MTM1: variants seen among roughly 807,000 people sequenced by gnomAD.
The protein encoded by MTM1 is myotubularin.
MTM1 carries 9 observed loss-of-function variants against 52.1 expected under a neutral mutation model. That is an observed-to-expected ratio of 0.17 (90% CI 0.10 to 0.30). MTM1 has a LOEUF of 0.30. MTM1 is among the 10% of genes least tolerant of loss of function. MTM1 has a pLI of 1.00. For missense variants in MTM1, 277 were observed against 470.7 expected, an observed-to-expected ratio of 0.59 and a Z score of 3.81; for synonymous variants, 136 against 163.8, an observed-to-expected ratio of 0.83 and a Z score of 1.29.
At chrX:150,587,060 A>G (rs1261968501) in intron 1 of MTM1, among the ~76,000 whole-genome samples, 1 of 110,633 alleles carries the variant, frequency 9.0e-6, no homozygotes, top group Non-Finnish European at 1.9e-5. Flanking sequence ...CATTTTACAG[A>G]CTGGAAACTG....
At chrX:150,635,095 G>A (rs997723112) in intron 6 of MTM1, among the ~76,000 whole-genome samples, 13 of 111,733 alleles carry the variant, frequency 1.2e-4, no homozygotes, top group Non-Finnish European at 2.4e-4. Context: ...AGGCAGAGCC[G>A]TAGATAAGGA....
intron 1 of MTM1, among the ~76,000 whole-genome samples, chrX:150,586,566 A>G (rs2038789988): frequency 9.0e-6 from 1 of 110,929 alleles, no homozygotes; most frequent in African/African-American, 3.3e-5. Context: ...GATATGGTAT[A>G]TTTTGTGGAC....
At chrX:150,609,032 G>T (rs1389068433) in intron 4 of MTM1, among the ~76,000 whole-genome samples, 1 of 110,613 alleles carries the variant, frequency 9.0e-6, no homozygotes, top group African/African-American at 3.3e-5. Context: ...GTTTCACCAT[G>T]TTGGCCAGGC....
intron 14 of MTM1, among the ~76,000 whole-genome samples, chrX:150,664,764 T>C (rs1243505422): frequency 8.9e-6 from 1 of 112,526 alleles, no homozygotes; most frequent in Non-Finnish European, 1.9e-5. Flanking sequence ...TATTAAAAAA[T>C]GTTTTTATAG....
chrX:150,567,009 G>A (rs923283289), upstream of MTM1, among the ~76,000 whole-genome samples: 1 of 111,523 alleles, frequency 9.0e-6, no homozygotes, highest in African/African-American at 3.3e-5. Context: ...GTAAGCAAAT[G>A]ATGACATCAG....
At chrX:150,615,770 G>GT (rs1216653539) in intron 5 of MTM1, among the ~76,000 whole-genome samples, 2 of 111,958 alleles carry the variant, frequency 1.8e-5, no homozygotes, top group East Asian at 2.8e-4. Flanking sequence ...ATCAAGACTC[G>GT]TTTTTTCTAT....
At chrX:150,629,512 A>G (rs900014432) in intron 6 of MTM1, among the ~76,000 whole-genome samples, 6 of 111,451 alleles carry the variant, frequency 5.4e-5, no homozygotes, top group African/African-American at 2.0e-4. Context: ...CCTTAAAAAC[A>G]GAGGCTGTGT....
At chrX:150,596,446 A>G (rs2038976322) in intron 2 of MTM1, 52 bp from the exon 3 acceptor site, 1 of 978,276 alleles carries the variant, frequency 1.0e-6, no homozygotes, top group African/African-American at 1.9e-5. Context: ...TTGCTTAAAA[A>G]CAGTGTGTAA....
intron 1 of MTM1, among the ~76,000 whole-genome samples, chrX:150,583,779 TA>T (rs2038706964): frequency 2.0e-5 from 1 of 49,326 alleles, no homozygotes; most frequent in Non-Finnish European, 3.4e-5. Context: ...ATATTTAATA[TA>T]TAAAATATAT....
At chrX:150,583,404 ATATAT>A (rs1303951664) in intron 1 of MTM1, among the ~76,000 whole-genome samples, 8 of 40,473 alleles carry the variant, frequency 2.0e-4, no homozygotes, top group Non-Finnish European at 3.0e-4. Flanking sequence ...TATAAATTAT[ATATAT>A]TATATTATAT....
At chrX:150,617,524 A>G (rs927692007) in intron 5 of MTM1, among the ~76,000 whole-genome samples, 3 of 112,576 alleles carry the variant, frequency 2.7e-5, no homozygotes. Context: ...TGCTTTTTAA[A>G]AAAGCATGGA....
intron 12 of MTM1, 144 bp from the exon 13 acceptor site, chrX:150,660,227 A>G: frequency 4.2e-6 from 2 of 473,371 alleles, no homozygotes; most frequent in South Asian, 3.0e-5. Context: ...GAACAACTGT[A>G]GTGTGTGTGC....
intron 1 of MTM1, among the ~76,000 whole-genome samples, chrX:150,570,586 T>G (rs1377014112): frequency 1.8e-5 from 2 of 111,411 alleles, no homozygotes; most frequent in Non-Finnish European, 3.8e-5. Flanking sequence ...CTTTGCTGTT[T>G]TCATAGTTAG....
At chrX:150,643,718 T>C (rs1405886563) in intron 8 of MTM1, among the ~76,000 whole-genome samples, 3 of 111,812 alleles carry the variant, frequency 2.7e-5, no homozygotes, top group Non-Finnish European at 5.6e-5. Flanking sequence ...CAGTTTTCCA[T>C]TGTGAGACAT....
At chrX:150,636,599 G>A (rs1009533851) in intron 6 of MTM1, among the ~76,000 whole-genome samples, 49 of 112,016 alleles carry the variant, frequency 4.4e-4, no homozygotes, top group African/African-American at 1.5e-3. Flanking sequence ...AGCTTCATGG[G>A]AAAGATGCAA....
intron 10 of MTM1, among the ~76,000 whole-genome samples, chrX:150,656,425 G>A (rs1483209016): frequency 1.8e-5 from 2 of 111,741 alleles, no homozygotes; most frequent in Non-Finnish European, 3.8e-5. Flanking sequence ...ACCTGGAAAA[G>A]ATCTTTAGTG....
chrX:150,628,932 C>T (rs951671492), intron 6 of MTM1, among the ~76,000 whole-genome samples: 2 of 110,778 alleles, frequency 1.8e-5, no homozygotes, highest in African/African-American at 3.3e-5. Flanking sequence ...CCTACTGCCT[C>T]TGCCCCCTAA....
chrX:150,613,148 A>T (rs2039319031), intron 4 of MTM1, among the ~76,000 whole-genome samples: 1 of 110,207 alleles, frequency 9.1e-6, no homozygotes, highest in African/African-American at 3.3e-5. Context: ...AAAAAAAAAA[A>T]AAAGGGGGGA....
In MTM1 at chrX:150,607,056, G is replaced by A. The variant is rs1430734564; in HGVS notation, c.232-7533G>A. Among the ~76,000 whole-genome samples, 3 of 102,607 alleles carry A rather than the reference G, an allele frequency of 2.9e-5. No homozygotes were observed. The East Asian group carries it at 9.4e-4, about 32-fold the overall frequency. The allele number at this position is 102,607 out of a possible 115,157, so 89.1% of individuals were successfully genotyped here. On this transcript the variant is annotated intron_variant, in intron 4 of 14. Transcript: ENST00000370396. ...TGCAGTGGCGTGATCTCGGCTCACC[G>A]CAACCTCCACCTCTTGGGTTCCTTG...
Sources: allele counts gnomAD v4.1 joint callset (sites outside exome capture counted in the v4.1 genomes callset), GRCh38; gene constraint gnomAD v4.1.1; transcripts MANE v1.5; gene names NCBI Gene and HGNC (gene_info 2026-07-23, HGNC 2026-07-21).